Variants in GGTA1 observed in about 807,000 individuals in gnomAD.
GGTA1 encodes the protein glycoprotein alpha-galactosyltransferase 1 (inactive).
GGTA1 carries 5 observed loss-of-function variants against 2.6 expected under a neutral mutation model. The ratio of observed to expected loss-of-function variants is 1.92; its 90% CI spans 1.00 to 4.04. The LOEUF is 4.04. Ranked by LOEUF, GGTA1 falls within the 30% of genes most tolerant of loss-of-function variation. The pLI, the probability that GGTA1 is intolerant of heterozygous loss-of-function variation, is 0.00. For missense variants in GGTA1, 50 were observed against 16.7 expected (o/e 2.99, Z -3.47); for synonymous variants, 17 against 5.0 (o/e 3.38, Z -3.19).
chr9:121,472,829 G>T (rs1431947874), intron 1 of GGTA1, among the ~76,000 whole-genome samples: 2 of 152,158 alleles, frequency 1.3e-5, no homozygotes, highest in African/African-American at 4.8e-5. Context: ...CTCACGGTTG[G>T]AAACATTGGC....
chr9:121,470,033 TTCCCATGTGG>T (rs1028090361), intron 1 of GGTA1, among the ~76,000 whole-genome samples: 9 of 152,218 alleles, frequency 5.9e-5, no homozygotes, highest in African/African-American at 1.7e-4. Context: ...CCTTGTGTCT[TTCCCATGTGG>T]TCCCATGTGG....
chr9:121,478,062 T>C (rs748108813), intron 1 of GGTA1, among the ~76,000 whole-genome samples: 2 of 152,168 alleles, frequency 1.3e-5, no homozygotes, highest in Non-Finnish European at 2.9e-5. Flanking sequence ...TTCACAGATA[T>C]GAAAACAGAG....
downstream of GGTA1, among the ~76,000 whole-genome samples, chr9:121,452,669 C>A (rs2064884352): frequency 6.6e-6 from 1 of 152,036 alleles, no homozygotes; most frequent in Non-Finnish European, 1.5e-5. Flanking sequence ...TAAGCGTGCC[C>A]CACCACTCCT....
At chr9:121,480,413 C>A (rs563693898) in intron 1 of GGTA1, among the ~76,000 whole-genome samples, 2 of 152,300 alleles carry the variant, frequency 1.3e-5, no homozygotes, top group East Asian at 1.9e-4. Context: ...CAAACAAAAT[C>A]ATTCTCAGAA....
At chr9:121,452,598 A>G (rs953975410), downstream of GGTA1, among the ~76,000 whole-genome samples, 1 of 151,416 alleles carries the variant, frequency 6.6e-6, no homozygotes, top group African/African-American at 2.4e-5. Context: ...GGCTCACTGT[A>G]GTCTCTGCCT....
At chr9:121,481,446 G>T (rs1271871222) in intron 1 of GGTA1, among the ~76,000 whole-genome samples, 1 of 152,124 alleles carries the variant, frequency 6.6e-6, no homozygotes, top group Non-Finnish European at 1.5e-5. Flanking sequence ...CAGCACTTTG[G>T]GAGGCTGAGG....
At chr9:121,468,882 C>G (rs1276824498) in intron 1 of GGTA1, among the ~76,000 whole-genome samples, 1 of 152,182 alleles carries the variant, frequency 6.6e-6, no homozygotes, top group Non-Finnish European at 1.5e-5. Context: ...CCTCCCAAGT[C>G]TGATCGCCCC....
Position 121,499,714 on chromosome 9 carries a change from C to T in GGTA1, c.-74G>A, listed in dbSNP as rs1431892074. Reference sequence around the variant, plus strand: ...TGAGCTGGGCTGAGCAGGACCGCGCCCAGCTCCCGGCCCCGGCGAAGCCCT... The same window carrying T: ...TGAGCTGGGCTGAGCAGGACCGCGCTCAGCTCCCGGCCCCGGCGAAGCCCT... On this transcript the variant is annotated 5_prime_UTR_variant, in exon 1 of 6. Coordinates refer to ENST00000481799, the MANE Select transcript of GGTA1 (RefSeq NM_001382585.1). The T allele has an allele frequency of 6.6e-6, 1 of 152,090 alleles. No individual in the cohort carries two copies. The highest frequency in any genetic ancestry group is 1.5e-5 in the Non-Finnish European group (1 of 68,020). 9.4% of individuals were successfully genotyped at this position (152,090 alleles called of 1,614,324 possible).
intron 7 of GGTA1, among the ~76,000 whole-genome samples, chr9:121,447,814 G>A (rs1463515653): frequency 1.3e-5 from 2 of 151,962 alleles, no homozygotes; most frequent in African/African-American, 2.4e-5. Flanking sequence ...GTAATACCCC[G>A]GCTACTCTCC....
At chr9:121,488,496 C>T (rs1167781527) in intron 1 of GGTA1, among the ~76,000 whole-genome samples, 1 of 152,130 alleles carries the variant, frequency 6.6e-6, no homozygotes, top group African/African-American at 2.4e-5. Flanking sequence ...AGGTGGATCA[C>T]CTGAGGTCAG....
intron 4 of GGTA1, 51 bp from the exon 5 acceptor site, chr9:121,460,270 T>G (rs908430517): frequency 2.2e-6 from 1 of 456,320 alleles, no homozygotes; most frequent in East Asian, 6.9e-5. Flanking sequence ...GTGATTGCGG[T>G]GGTCAGAGAA....
intron 1 of GGTA1, among the ~76,000 whole-genome samples, chr9:121,497,298 C>T (rs1034895361): frequency 2.6e-5 from 4 of 152,092 alleles, no homozygotes; most frequent in African/African-American, 9.7e-5. Flanking sequence ...GAGTTTATAC[C>T]TCTATTAATG....
intron 4 of GGTA1, among the ~76,000 whole-genome samples, chr9:121,460,631 T>G (rs1205531386): frequency 6.6e-6 from 1 of 152,116 alleles, no homozygotes; most frequent in Non-Finnish European, 1.5e-5. Context: ...GCAGATCACC[T>G]GTCAGGAGTT....
chr9:121,460,195 T>C lies in GGTA1; in HGVS notation c.207A>G (p.Glu69=), dbSNP rs184243137. 8.3e-4 allele frequency: 380 copies of C among 457,160 alleles called. 3 individuals carry two copies. Among genetic ancestry groups the C allele is most frequent in the Admixed American group, 4.1e-3 (173 of 42,580 alleles). The allele number at this position is 457,160 out of a possible 1,614,324, so 28.3% of individuals were successfully genotyped here. ...TTCCTTTTTCTTTGTCTATGTCTTC[T>C]TCCCCTTGTTGATAATTGTGGATCC... ...NNGIHNYQQG[E]EDIDKEKGRE... The change falls in exon 5 of 6, where the codon GAA becomes GAG. Residue 69 remains glutamate (E), a synonymous_variant. Coordinates refer to ENST00000481799, the MANE Select transcript of GGTA1 (RefSeq NM_001382585.1).
exon 8 of GGTA1, chr9:121,445,362 C>G (rs528065525): frequency 1.3e-5 from 2 of 152,170 alleles, no homozygotes; most frequent in East Asian, 3.9e-4. Context: ...GTGAGATTTT[C>G]TGGCAAAAAA....
chr9:121,469,396 T>A (rs2118699458), intron 1 of GGTA1, among the ~76,000 whole-genome samples: 1 of 152,136 alleles, frequency 6.6e-6, no homozygotes, highest in South Asian at 2.1e-4. Context: ...CAAGGAGGGG[T>A]GCTAGTTGGC....
intron 3 of GGTA1, among the ~76,000 whole-genome samples, chr9:121,462,373 T>C (rs2064967438): frequency 6.6e-6 from 1 of 151,848 alleles, no homozygotes; most frequent in East Asian, 1.9e-4. Context: ...AAAAGGTGGG[T>C]GCCTTCTGGA....
At chr9:121,493,876 C>T (rs1174720765) in intron 1 of GGTA1, among the ~76,000 whole-genome samples, 1 of 151,740 alleles carries the variant, frequency 6.6e-6, no homozygotes, top group Non-Finnish European at 1.5e-5. Flanking sequence ...TCTGCCTCAG[C>T]CTCCCAAGTA....
In GGTA1 at chr9:121,488,804, G is replaced by A. The variant is rs566665352; in HGVS notation, c.-10+10846C>T. ...CATGCCTGTAATCTCAGCTACTGGGGAGGCTGAGGCAGGAGAATCGCTTGA... is the reference window on the plus strand; with the variant it reads ...CATGCCTGTAATCTCAGCTACTGGGAAGGCTGAGGCAGGAGAATCGCTTGA... On this transcript the variant is annotated intron_variant, in intron 1 of 5. Transcript: ENST00000481799. 5.9e-5 allele frequency among the ~76,000 whole-genome samples: 9 copies of A among 152,330 alleles called. No individual in the cohort carries two copies. The East Asian group carries it at 1.7e-3, about 29-fold the overall frequency.
Sources: gnomAD v4.1 joint callset for allele counts (sites outside exome capture counted in the v4.1 genomes callset) on GRCh38, gnomAD v4.1.1 for gene constraint, MANE v1.5 for transcripts, NCBI Gene and HGNC (gene_info 2026-07-23, HGNC 2026-07-21) for gene names.